EYS: variants seen among roughly 807,000 people sequenced by gnomAD.
EYS encodes the protein protein eyes shut homolog.
A neutral mutation model predicts 282.1 loss-of-function variants in EYS; 250 were observed. The observed-to-expected ratio is 0.89, with a 90% confidence interval of 0.80 to 0.98. EYS has a LOEUF of 0.98. EYS is among the 50% of genes least tolerant of loss of function. The pLI is 0.00. For missense variants in EYS, 4,016 were observed against 3,709.0 expected (o/e 1.08, Z -2.15); for synonymous variants, 1,355 against 1,282.9 (o/e 1.06, Z -1.20).
At chr6:65,382,764 T>A (rs980188444) in intron 8 of EYS, among the ~76,000 whole-genome samples, 1 of 151,934 alleles carries the variant, frequency 6.6e-6, no homozygotes, top group Non-Finnish European at 1.5e-5. Context: ...TAAGCCTGTC[T>A]AGCCTATTTA....
chr6:64,096,616 A>G (rs1056904410), intron 31 of EYS, among the ~76,000 whole-genome samples: 6 of 151,856 alleles, frequency 4.0e-5, no homozygotes, highest in African/African-American at 4.8e-5. Flanking sequence ...TCCTTTAAGG[A>G]CTTCTCTGCA....
intron 31 of EYS, among the ~76,000 whole-genome samples, chr6:64,194,339 T>G (rs914124101): frequency 1.3e-5 from 2 of 152,208 alleles, no homozygotes; most frequent in Non-Finnish European, 2.9e-5. Flanking sequence ...TCAAGTGGAA[T>G]GCATAGGTAA....
rs968344113 is a variant in EYS at position 64,645,263 on chromosome 6, T to C, written c.3444-19018A>G. 2.6e-5 allele frequency among the ~76,000 whole-genome samples: 4 copies of C among 152,288 alleles called. No homozygotes were observed. The South Asian group carries it at 6.2e-4, about 24-fold the overall frequency. On this transcript the variant is annotated intron_variant, in intron 22 of 42. Coordinates refer to ENST00000503581, the MANE Select transcript of EYS (RefSeq NM_001142800.2). ...CATTGAAAATCAGACACTGGAGCAG[T>C]CTCGTGTTTGAATCAACAAATAAAA...
At chr6:64,555,850 C>A (rs1765217324) in intron 26 of EYS, among the ~76,000 whole-genome samples, 1 of 151,810 alleles carries the variant, frequency 6.6e-6, no homozygotes, top group African/African-American at 2.4e-5. Flanking sequence ...ATCTAAAATA[C>A]TGTACACACC....
At chr6:64,225,230 C>T (rs1348739608) in intron 31 of EYS, among the ~76,000 whole-genome samples, 1 of 152,024 alleles carries the variant, frequency 6.6e-6, no homozygotes, top group Non-Finnish European at 1.5e-5. Context: ...AATAGGTTTC[C>T]TTTTTCGTGT....
At chr6:64,525,267 T>G (rs912053285) in intron 26 of EYS, among the ~76,000 whole-genome samples, 8 of 151,616 alleles carry the variant, frequency 5.3e-5, no homozygotes, top group African/African-American at 1.9e-4. Flanking sequence ...AGACATGAAA[T>G]CAACCTAAAT....
chr6:64,670,143 C>A (rs1410067777), intron 22 of EYS, among the ~76,000 whole-genome samples: 1 of 152,090 alleles, frequency 6.6e-6, no homozygotes. Flanking sequence ...TTGGTGGGCA[C>A]CTTACTCCAA....
chr6:64,547,958 T>C lies in EYS; in HGVS notation c.5644+42265A>G, dbSNP rs182436640. Among the ~76,000 whole-genome samples, 5 of 152,182 alleles carry C rather than the reference T, an allele frequency of 3.3e-5. No homozygotes were observed. In the East Asian group the frequency reaches 9.7e-4, roughly 29 times the overall value. ...CCTCACTGCCCAGTGCCAGCAGGGC[T>C]GGCCGGCAGCTCCAAGTGCGGGACC... On this transcript the variant is annotated intron_variant, in intron 26 of 42. Transcript: ENST00000503581.
chr6:64,384,295 C>A (rs1772841371), intron 29 of EYS, among the ~76,000 whole-genome samples: 1 of 152,108 alleles, frequency 6.6e-6, no homozygotes, highest in Admixed American at 6.5e-5. Flanking sequence ...TGTTAAACTT[C>A]TTTACTGTGT....
chr6:64,540,781 G>A (rs888264782), intron 26 of EYS, among the ~76,000 whole-genome samples: 1 of 152,158 alleles, frequency 6.6e-6, no homozygotes, highest in African/African-American at 2.4e-5. Context: ...ATCATGCCCA[G>A]CCTACAGGTT....
At chr6:64,148,298 T>A (rs1450990176) in intron 31 of EYS, among the ~76,000 whole-genome samples, 2 of 152,184 alleles carry the variant, frequency 1.3e-5, no homozygotes, top group African/African-American at 4.8e-5. Flanking sequence ...ATATCATTGC[T>A]AAGTTTTGTT....
chr6:65,686,185 G>A (rs1769007535), intron 1 of EYS, among the ~76,000 whole-genome samples: 4 of 151,948 alleles, frequency 2.6e-5, no homozygotes, highest in South Asian at 4.2e-4. Flanking sequence ...ATAACCTGAA[G>A]GGACATCTCT....
In EYS at chr6:64,718,953, T is replaced by G. The variant is rs533213777; in HGVS notation, c.3444-92708A>C. On this transcript the variant is annotated intron_variant, in intron 22 of 42. Coordinates refer to ENST00000503581, the MANE Select transcript of EYS (RefSeq NM_001142800.2). Reference sequence around the variant, plus strand: ...AGACTTTGGATATTCAAATAAAGAGTATCCTGGATGACCCAGGTAGGCCCA... The same window carrying G: ...AGACTTTGGATATTCAAATAAAGAGGATCCTGGATGACCCAGGTAGGCCCA... Among the ~76,000 whole-genome samples the G allele has an allele frequency of 1.1e-4, 16 of 152,208 alleles. No homozygotes were observed. The South Asian group carries it at 3.1e-3, about 30-fold the overall frequency.
chr6:65,657,055 G>T (rs189223638), intron 1 of EYS, among the ~76,000 whole-genome samples: 215 of 151,958 alleles, frequency 1.4e-3, no homozygotes, highest in Non-Finnish European at 2.4e-3. Flanking sequence ...AAGCCTCAAT[G>T]ATAGCACATC....
intron 15 of EYS, among the ~76,000 whole-genome samples, chr6:64,938,136 G>C (rs1276600278): frequency 6.6e-6 from 1 of 151,456 alleles, no homozygotes; most frequent in East Asian, 1.9e-4. Flanking sequence ...AAGGAAATGG[G>C]GAGAGGCTAT....
At chr6:64,657,588 G>A (rs1490879523) in intron 22 of EYS, among the ~76,000 whole-genome samples, 1 of 152,096 alleles carries the variant, frequency 6.6e-6, no homozygotes, top group Non-Finnish European at 1.5e-5. Context: ...TGTCTGTAAA[G>A]GTTTTTATTT....
At chr6:64,438,398 T>C (rs1030910862) in intron 27 of EYS, among the ~76,000 whole-genome samples, 1 of 151,794 alleles carries the variant, frequency 6.6e-6, no homozygotes, top group African/African-American at 2.4e-5. Flanking sequence ...TTGCATGTCA[T>C]GTAGCCTCTG....
Position 65,317,825 on chromosome 6 carries a change from C to CCTTCCTTT in EYS, c.1766+17154_1766+17155insAAAGGAAG, listed in dbSNP as rs1562092985. Among the ~76,000 whole-genome samples the CCTTCCTTT allele has an allele frequency of 5.7e-4, 46 of 81,250 alleles. 2 individuals carry two copies. Among genetic ancestry groups the CCTTCCTTT allele is most frequent in the South Asian group, 2.3e-3 (5 of 2,132 alleles). The allele number at this position is 81,250 out of a possible 152,430, so 53.3% of individuals were successfully genotyped here. ...TCCTTCCTTCCTTCCTTCCTTCCTTCCTTTCTTTCTTTCTTTCTTTCTTTC... is the reference window on the plus strand; with the variant it reads ...TCCTTCCTTCCTTCCTTCCTTCCTTCCTTCCTTTCTTTCTTTCTTTCTTTCTTTCTTTC... On this transcript the variant is annotated intron_variant, in intron 11 of 42. Coordinates refer to ENST00000503581, the MANE Select transcript of EYS (RefSeq NM_001142800.2).
intron 26 of EYS, among the ~76,000 whole-genome samples, chr6:64,452,910 A>T (rs1214642642): frequency 1.3e-5 from 2 of 152,230 alleles, no homozygotes; most frequent in Non-Finnish European, 2.9e-5. Context: ...AAAACCCTAT[A>T]AGAAAACCTA....
Sources: gnomAD v4.1 joint callset for allele counts (sites outside exome capture counted in the v4.1 genomes callset) on GRCh38, gnomAD v4.1.1 for gene constraint, MANE v1.5 for transcripts, NCBI Gene and HGNC (gene_info 2026-07-23, HGNC 2026-07-21) for gene names.